Variants in LGR6 observed in about 807,000 individuals in gnomAD.
The protein encoded by LGR6 is leucine-rich repeat-containing G protein-coupled receptor 6.
LGR6 carries 45 observed loss-of-function variants against 69.4 expected under a neutral mutation model. The observed-to-expected ratio is 0.65, with a 90% confidence interval of 0.51 to 0.83. LGR6 has a LOEUF of 0.83. Ranked by LOEUF, LGR6 falls within the 40% of genes least tolerant of loss-of-function variation. The pLI, the probability that LGR6 is intolerant of heterozygous loss-of-function variation, is 0.00. For missense variants in LGR6, 1,108 were observed against 1,246.7 expected (o/e 0.89, Z 1.68); for synonymous variants, 538 against 555.0 (o/e 0.97, Z 0.43).
chr1:202,289,293 G>T (rs1318105118), intron 6 of LGR6, among the ~76,000 whole-genome samples: 1 of 152,178 alleles, frequency 6.6e-6, no homozygotes, highest in Non-Finnish European at 1.5e-5. Context: ...TGAGTGCCTT[G>T]CCCTTTAGAT....
At chr1:202,267,344 G>A (rs1208086374) in intron 4 of LGR6, among the ~76,000 whole-genome samples, 1 of 152,022 alleles carries the variant, frequency 6.6e-6, no homozygotes, top group Admixed American at 6.5e-5. Context: ...ATGGATTCTG[G>A]GCTTGGTGAC....
Position 202,210,511 on chromosome 1 carries a change from C to G in LGR6, c.213-14912C>G, listed in dbSNP as rs189489070. ...GGGAGGGAGGGCAGCCCTCTTCAGA[C>G]CTGGTAGTAGCACTAACCTGGCTCC... is the stretch of plus-strand genomic sequence containing the variant. On this transcript the variant is annotated intron_variant, in intron 1 of 17. Transcript: ENST00000367278. 7.2e-5 allele frequency among the ~76,000 whole-genome samples: 11 copies of G among 151,992 alleles called. No homozygotes were observed. In the East Asian group the frequency reaches 1.9e-3, roughly 27 times the overall value.
At chr1:202,242,498 G>A (rs943773640) in intron 4 of LGR6, among the ~76,000 whole-genome samples, 3 of 152,188 alleles carry the variant, frequency 2.0e-5, no homozygotes, top group Admixed American at 6.5e-5. Flanking sequence ...CAGATGTCCC[G>A]AGTGAATATC....
intron 5 of LGR6, among the ~76,000 whole-genome samples, chr1:202,280,107 T>G (rs1467506607): frequency 1.3e-5 from 2 of 152,226 alleles, no homozygotes; most frequent in African/African-American, 4.8e-5. Context: ...ATAATTTCCA[T>G]GTAATGTTGT....
At chr1:202,239,922 C>A (rs563016079) in intron 4 of LGR6, among the ~76,000 whole-genome samples, 1 of 152,276 alleles carries the variant, frequency 6.6e-6, no homozygotes, top group East Asian at 1.9e-4. Context: ...ATTAGAACAG[C>A]ACCTTTTGTT....
At chr1:202,214,677 G>A (rs1409525902) in intron 1 of LGR6, among the ~76,000 whole-genome samples, 1 of 152,198 alleles carries the variant, frequency 6.6e-6, no homozygotes, top group Non-Finnish European at 1.5e-5. Flanking sequence ...TTCGTTCCCT[G>A]ACCTATTAAA....
intron 4 of LGR6, among the ~76,000 whole-genome samples, chr1:202,275,068 G>T (rs1229088000): frequency 2.0e-5 from 3 of 152,154 alleles, no homozygotes; most frequent in African/African-American, 7.2e-5. Flanking sequence ...CTTCTACAAG[G>T]GGGCTTGTGC....
In LGR6 at chr1:202,309,187, G is replaced by A. The variant is rs1653516082; in HGVS notation, c.1406+11G>A. The A allele has an allele frequency of 6.2e-7, 1 of 1,613,722 alleles. No individual in the cohort carries two copies. The highest frequency in any genetic ancestry group is 1.3e-5 in the African/African-American group (1 of 75,054). On this transcript the variant is annotated intron_variant, in intron 15 of 17. Coordinates refer to ENST00000367278, the MANE Select transcript of LGR6 (RefSeq NM_001017403.2). ...TTTCCCAAAACTGAGGTGAGGGACT[G>A]GCTTTCCCCAACACCTGGGTAGGCC...
chr1:202,310,833 G>C (rs1299196538), intron 16 of LGR6, among the ~76,000 whole-genome samples: 2 of 152,120 alleles, frequency 1.3e-5, no homozygotes, highest in Non-Finnish European at 2.9e-5. Flanking sequence ...AAAAGGAACA[G>C]TGTAGGGTTA....
At chr1:202,206,640 C>T (rs960463309) in intron 1 of LGR6, among the ~76,000 whole-genome samples, 2 of 152,024 alleles carry the variant, frequency 1.3e-5, no homozygotes, top group African/African-American at 2.4e-5. Context: ...GCCTCAACTC[C>T]CTGGGCTCAA....
chr1:202,227,880 T>TCAA, intron 2 of LGR6, 56 bp from the exon 3 acceptor site: 1 of 1,255,598 alleles, frequency 8.0e-7, no homozygotes, highest in Non-Finnish European at 1.2e-6. Context: ...CTTATGGAGG[T>TCAA]CACCACCTCC....
At chr1:202,305,622 C>T in intron 11 of LGR6, 62 bp from the exon 12 acceptor site, 1 of 1,421,412 alleles carries the variant, frequency 7.0e-7, no homozygotes, top group South Asian at 1.1e-5. Context: ...AGCCCCCCGT[C>T]CCCGAGCAGC....
chr1:202,239,264 G>A (rs1357844995), intron 4 of LGR6, among the ~76,000 whole-genome samples: 3 of 152,058 alleles, frequency 2.0e-5, no homozygotes, highest in East Asian at 3.9e-4. Context: ...TTCAGGCCCC[G>A]GGGACAATCT....
chr1:202,303,419 C>A, intron 10 of LGR6, 72 bp downstream of exon 10: 2 of 1,183,918 alleles, frequency 1.7e-6, no homozygotes, highest in East Asian at 2.3e-5. Flanking sequence ...CACTCCCTGC[C>A]CCTGGAAGGC....
At chr1:202,294,713 A>G (rs923574050) in intron 6 of LGR6, among the ~76,000 whole-genome samples, 2 of 152,174 alleles carry the variant, frequency 1.3e-5, no homozygotes, top group Non-Finnish European at 2.9e-5. Flanking sequence ...CTTCCATTTC[A>G]TTCTGTTGGA....
At chr1:202,211,772 C>G (rs947687507) in intron 1 of LGR6, among the ~76,000 whole-genome samples, 4 of 152,130 alleles carry the variant, frequency 2.6e-5, no homozygotes, top group Non-Finnish European at 5.9e-5. Flanking sequence ...TAACCAGCAC[C>G]TGGACCAAGA....
At chr1:202,239,059 T>C (rs1661902536) in intron 4 of LGR6, among the ~76,000 whole-genome samples, 1 of 152,054 alleles carries the variant, frequency 6.6e-6, no homozygotes, top group African/African-American at 2.4e-5. Context: ...ACAGGGGGCG[T>C]CTCGGTCTGA....
intron 1 of LGR6, 68 bp downstream of exon 1, chr1:202,194,269 G>A (rs1462666150): frequency 3.3e-5 from 39 of 1,178,638 alleles, no homozygotes; most frequent in Middle Eastern, 2.8e-4. Context: ...CCCGGCCTCA[G>A]CAGGGCACCT....
chr1:202,280,840 A>G lies in LGR6; in HGVS notation c.704A>G (p.Asn235Ser), dbSNP rs774013284. The change falls in exon 6 of 18, where the codon AAT (asparagine) becomes AGT (serine). Residue 235 changes from asparagine to serine, a missense_variant. Physicochemically the swap from Asn to Ser is conservative, Grantham distance 46. Coordinates refer to ENST00000367278, the MANE Select transcript of LGR6 (RefSeq NM_001017403.2). ...ACCCACAGCTTCGAGGGGCTGCACA[A>G]TCTGGAGACACTGTGAGTTTTGAGG... ...LGTHSFEGLH[N>S]LETLDLNYNK... The G allele has an allele frequency of 4.3e-6, 7 of 1,613,710 alleles. No homozygotes were observed. Among genetic ancestry groups the G allele is most frequent in the East Asian group, 2.2e-5 (1 of 44,878 alleles).
Sources: gnomAD v4.1 joint callset for allele counts (sites outside exome capture counted in the v4.1 genomes callset) on GRCh38, gnomAD v4.1.1 for gene constraint, MANE v1.5 for transcripts, NCBI Gene and HGNC (gene_info 2026-07-23, HGNC 2026-07-21) for gene names.